The following PRKCH variants were observed in gnomAD, a reference collection of about 807,000 sequenced individuals.
PRKCH encodes protein kinase C eta.
A neutral mutation model predicts 82.5 loss-of-function variants in PRKCH; 28 were observed. The ratio of observed to expected loss-of-function variants is 0.34; its 90% CI spans 0.25 to 0.47. The LOEUF is 0.47. PRKCH is among the 20% of genes least tolerant of loss of function. The pLI is 1.00. For missense variants in PRKCH, 705 were observed against 881.8 expected (o/e 0.80, Z 2.54); for synonymous variants, 322 against 327.4 (o/e 0.98, Z 0.18).
intron 1 of PRKCH, among the ~76,000 whole-genome samples, chr14:61,376,538 G>A (rs372967658): frequency 2.7e-4 from 41 of 152,164 alleles, no homozygotes; most frequent in African/African-American, 6.7e-4. Flanking sequence ...TAGTCTTACC[G>A]TCTTCCAGAT....
intron 1 of PRKCH, among the ~76,000 whole-genome samples, chr14:61,282,829 C>T (rs1004699732): frequency 1.3e-5 from 2 of 152,154 alleles, no homozygotes; most frequent in South Asian, 4.1e-4. Context: ...TCAATTCCCT[C>T]ACTTCTTATC....
Position 61,517,206 on chromosome 14 carries a change from C to A in PRKCH, c.1434-11869C>A, listed in dbSNP as rs79861618. ...CCTGAGGCTGGTCCCGTAAATTCTT[C>A]TCTTTCCTGTCGTAAAGCATTCCTC... On this transcript the variant is annotated intron_variant, in intron 10 of 13. Coordinates refer to ENST00000332981, the MANE Select transcript of PRKCH (RefSeq NM_006255.5). 8.3e-3 allele frequency among the ~76,000 whole-genome samples: 1,263 copies of A among 152,226 alleles called. 13 individuals are homozygous for A. Among genetic ancestry groups the A allele is most frequent in the South Asian group, 0.022 (106 of 4,828 alleles).
chr14:61,373,469 T>C (rs569324277), intron 1 of PRKCH, among the ~76,000 whole-genome samples: 12 of 152,004 alleles, frequency 7.9e-5, no homozygotes, highest in African/African-American at 2.9e-4. Context: ...GCCCCTCCCC[T>C]GACAGGTGGA....
chr14:61,224,929 G>A (rs941830762), intron 1 of PRKCH, among the ~76,000 whole-genome samples: 7 of 152,178 alleles, frequency 4.6e-5, no homozygotes, highest in Non-Finnish European at 5.9e-5. Flanking sequence ...CCTCCAAGTG[G>A]TACTTTCCTA....
intron 1 of PRKCH, among the ~76,000 whole-genome samples, chr14:61,218,289 C>T (rs1299322815): frequency 2.6e-5 from 4 of 152,168 alleles, no homozygotes; most frequent in Admixed American, 1.3e-4. Context: ...GTCTCTGTCT[C>T]GTTACCTTTC....
chr14:61,503,222 A>G (rs977282180), intron 10 of PRKCH, among the ~76,000 whole-genome samples: 8 of 151,940 alleles, frequency 5.3e-5, no homozygotes, highest in East Asian at 1.9e-4. Flanking sequence ...CTCATTTGCA[A>G]ATAGACAGGT....
intron 2 of PRKCH, among the ~76,000 whole-genome samples, chr14:61,398,285 G>A (rs931748850): frequency 6.6e-6 from 1 of 152,114 alleles, no homozygotes; most frequent in African/African-American, 2.4e-5. Flanking sequence ...TTTTTGTCTG[G>A]AAGAGTGGAG....
chr14:61,529,648 C>T lies in PRKCH; in HGVS notation c.1572+435C>T, dbSNP rs190488591. Among the ~76,000 whole-genome samples, 424 of 148,960 alleles carry T rather than the reference C, an allele frequency of 2.8e-3. 3 individuals are homozygous for T. Among genetic ancestry groups the T allele is most frequent in the African/African-American group, 9.2e-3 (371 of 40,242 alleles). ...GAAATCATCATTCTCAGTAAACTAT[C>T]GCAAGAACAAAAAACCAAACACCGC... On this transcript the variant is annotated intron_variant, in intron 11 of 13. Coordinates refer to ENST00000332981, the MANE Select transcript of PRKCH (RefSeq NM_006255.5).
chr14:61,279,928 G>GC (rs1000015382), intron 1 of PRKCH: 4 of 643,780 alleles, frequency 6.2e-6, no homozygotes, highest in Non-Finnish European at 8.0e-6. Context: ...CAGTCTAGCA[G>GC]CCCCCCAAGA....
intron 1 of PRKCH, among the ~76,000 whole-genome samples, chr14:61,206,021 A>G (rs1166117844): frequency 6.6e-6 from 1 of 152,184 alleles, no homozygotes; most frequent in Non-Finnish European, 1.5e-5. Flanking sequence ...GTACCAAACA[A>G]TGACACCATG....
At chr14:61,261,979 T>G (rs1272452486) in intron 1 of PRKCH, among the ~76,000 whole-genome samples, 3 of 152,036 alleles carry the variant, frequency 2.0e-5, no homozygotes, top group Admixed American at 1.3e-4. Flanking sequence ...CCTAGCACTT[T>G]GGGAGGCCGA....
At chr14:61,419,630 G>A (rs527873603) in intron 2 of PRKCH, among the ~76,000 whole-genome samples, 1 of 152,286 alleles carries the variant, frequency 6.6e-6, no homozygotes, top group South Asian at 2.1e-4. Flanking sequence ...TCTGCCCAGG[G>A]TCCCTGACTG....
At chr14:61,410,590 T>C (rs921529379) in intron 2 of PRKCH, among the ~76,000 whole-genome samples, 3 of 152,214 alleles carry the variant, frequency 2.0e-5, no homozygotes, top group Non-Finnish European at 2.9e-5. Context: ...CCAGCACCAA[T>C]TGTGGCCAAT....
rs75238045 is a variant in PRKCH, at chr14:61,503,155, G to C, written c.1433+17499G>C. Among the ~76,000 whole-genome samples, 2,563 of 152,072 alleles carry C rather than the reference G, an allele frequency of 0.017. 124 individuals are homozygous for C. In the East Asian group the frequency reaches 0.21, roughly 13 times the overall value. On this transcript the variant is annotated intron_variant, in intron 10 of 13. Coordinates refer to ENST00000332981, the MANE Select transcript of PRKCH (RefSeq NM_006255.5). ...CTGTGGGGCTGTCCATTTTATTGCT[G>C]CACCAAGGAGCAGGGTAGATACTAT...
chr14:61,196,481 A>G (rs2044443595), intron 1 of PRKCH, among the ~76,000 whole-genome samples: 2 of 152,160 alleles, frequency 1.3e-5, no homozygotes, highest in African/African-American at 4.8e-5. Context: ...GGCAAATTGA[A>G]ACTTGAGTTT....
At chr14:61,208,430 T>G (rs2044544221) in intron 1 of PRKCH, among the ~76,000 whole-genome samples, 1 of 152,226 alleles carries the variant, frequency 6.6e-6, no homozygotes, top group South Asian at 2.1e-4. Context: ...TGTGCTTAAC[T>G]TTTTGTAAGC....
chr14:61,354,506 G>T (rs540919283), intron 1 of PRKCH, among the ~76,000 whole-genome samples: 1 of 151,642 alleles, frequency 6.6e-6, no homozygotes, highest in African/African-American at 2.4e-5. Flanking sequence ...CTATATTTAG[G>T]GGTTGTTTTC....
upstream of PRKCH, among the ~76,000 whole-genome samples, chr14:61,320,505 A>G (rs1175021753): frequency 6.6e-6 from 1 of 152,114 alleles, no homozygotes; most frequent in African/African-American, 2.4e-5. Context: ...AGGCTGGGGC[A>G]GGTGAATCGC....
chr14:61,281,182 G>A, intron 1 of PRKCH: 1 of 1,255,514 alleles, frequency 8.0e-7, no homozygotes, highest in Non-Finnish European at 1.0e-6. Context: ...CGGGCTGACC[G>A]AGTGGGGGCC....
Sources: gnomAD v4.1 joint callset for allele counts (sites outside exome capture counted in the v4.1 genomes callset) on GRCh38, gnomAD v4.1.1 for gene constraint, MANE v1.5 for transcripts, NCBI Gene and HGNC (gene_info 2026-07-23, HGNC 2026-07-21) for gene names.